Variants in ITPR2 observed in about 807,000 individuals in gnomAD.
The protein encoded by ITPR2 is inositol 1,4,5-trisphosphate receptor type 2, also known as inositol 1,4,5-trisphosphate-gated calcium channel ITPR2.
Under a neutral mutation model 317.1 loss-of-function variants are expected in ITPR2, and 207 were observed. That is an observed-to-expected ratio of 0.65 (90% CI 0.58 to 0.73). The LOEUF (loss-of-function observed/expected upper bound fraction) is 0.73, where lower values mean the gene tolerates loss of function less well. Among genes scored for constraint, ITPR2 ranks in the 30% least tolerant of loss-of-function variants. The probability of loss-of-function intolerance (pLI) is 0.00; values close to 1 mark genes in which losing one functional copy is unlikely to be tolerated. For missense variants in ITPR2, 2,613 were observed against 3,284.0 expected (o/e 0.80, Z 4.99); for synonymous variants, 1,156 against 1,149.1 (o/e 1.01, Z -0.12).
At chr12:26,535,112 A>G (rs7299354) in intron 37 of ITPR2, among the ~76,000 whole-genome samples, 89,186 of 151,958 alleles carry the variant, frequency 0.59, 29,232 homozygotes, top group Non-Finnish European at 0.76. Flanking sequence ...TTTATGTAAC[A>G]TAAACATGTA....
At chr12:26,756,504 G>A (rs186889906) in intron 2 of ITPR2, among the ~76,000 whole-genome samples, 1 of 152,190 alleles carries the variant, frequency 6.6e-6, no homozygotes, top group South Asian at 2.1e-4. Context: ...ATGTATTGCT[G>A]TTGTAGTCTT....
Position 26,597,083 on chromosome 12 carries a change from A to G in ITPR2, c.4054T>C (p.Phe1352Leu). ...CACATCATATGGAGAAGGATTGGAA[A>G]TGATGCTCTATCATTGTAAAATATC... ...VLIFYNDRAS[F>L]PILLHMMCSE... is the part of the protein sequence containing the mutation. The change falls in exon 31 of 57, where the codon TTT becomes CTT. Residue 1352 changes from phenylalanine to leucine, a missense_variant. This residue lies in a region of ITPR2 where 817 missense variants were observed against 897.6 expected (regional missense o/e 0.91). Transcript: ENST00000381340. 1 of 1,614,056 alleles carries G rather than the reference A, an allele frequency of 6.2e-7. No individual in the cohort carries two copies.
intron 55 of ITPR2, among the ~76,000 whole-genome samples, chr12:26,362,529 C>T (rs914311618): frequency 6.6e-6 from 1 of 152,168 alleles, no homozygotes; most frequent in Non-Finnish European, 1.5e-5. Flanking sequence ...CTGTCTATCT[C>T]TTCCTCACTG....
intron 1 of ITPR2, among the ~76,000 whole-genome samples, chr12:26,817,129 C>T (rs536699294): frequency 6.6e-5 from 9 of 136,490 alleles, no homozygotes; most frequent in Non-Finnish European, 9.1e-5. Context: ...TGCAGTGAGC[C>T]GAGATCACGC....
At chr12:26,661,266 G>T (rs1167199827) in intron 15 of ITPR2, among the ~76,000 whole-genome samples, 1 of 22,802 alleles carries the variant, frequency 4.4e-5, no homozygotes, top group Non-Finnish European at 1.3e-4. Context: ...CTAGGTAGGG[G>T]TGTGTGTGTG....
In ITPR2 at chr12:26,722,388, A is replaced by G; in HGVS notation, c.525+9T>C. 1 of 1,606,916 alleles carries G rather than the reference A, an allele frequency of 6.2e-7. No homozygotes were observed. Among genetic ancestry groups the G allele is most frequent in the Non-Finnish European group, 8.5e-7 (1 of 1,176,216 alleles). ...CCCACTATTTCCCTCTTAATTGTATATTACATACATTGTCACCCTCGCTTC... is the reference window on the plus strand; with the variant it reads ...CCCACTATTTCCCTCTTAATTGTATGTTACATACATTGTCACCCTCGCTTC... On this transcript the variant is annotated intron_variant, in intron 5 of 56. Transcript: ENST00000381340.
chr12:26,399,650 T>A (rs1220572577), intron 53 of ITPR2, among the ~76,000 whole-genome samples: 1 of 152,194 alleles, frequency 6.6e-6, no homozygotes, highest in Non-Finnish European at 1.5e-5. Context: ...GCCTGGCACT[T>A]GAGATTTTGC....
At chr12:26,605,051 G>C (rs1349119401) in intron 26 of ITPR2, among the ~76,000 whole-genome samples, 2 of 145,340 alleles carry the variant, frequency 1.4e-5, no homozygotes, top group African/African-American at 2.6e-5. Flanking sequence ...TTGCACCACA[G>C]CACTGCAGCC....
At chr12:26,818,661 T>C (rs1950896331) in intron 1 of ITPR2, among the ~76,000 whole-genome samples, 1 of 152,224 alleles carries the variant, frequency 6.6e-6, no homozygotes, top group Non-Finnish European at 1.5e-5. Flanking sequence ...TTATCATTCC[T>C]AGCCACAAGT....
chr12:26,511,264 A>T (rs182924769), intron 37 of ITPR2, among the ~76,000 whole-genome samples: 3 of 152,212 alleles, frequency 2.0e-5, no homozygotes, highest in Admixed American at 2.0e-4. Flanking sequence ...TTTTCCACCA[A>T]ATCCTCCTTG....
At chr12:26,497,830 C>A (rs537092701) in intron 37 of ITPR2, among the ~76,000 whole-genome samples, 6 of 152,150 alleles carry the variant, frequency 3.9e-5, no homozygotes, top group African/African-American at 1.4e-4. Flanking sequence ...CCTGCCTCAG[C>A]CTCCCGAGTA....
At chr12:26,818,169 T>C (rs1565787821) in intron 1 of ITPR2, among the ~76,000 whole-genome samples, 1 of 152,246 alleles carries the variant, frequency 6.6e-6, no homozygotes, top group Non-Finnish European at 1.5e-5. Flanking sequence ...AAAAAATGTG[T>C]AATACAAATA....
Position 26,682,643 on chromosome 12 carries a change from G to A in ITPR2, c.1179C>T (p.Cys393=). 6.2e-7 allele frequency: 1 copy of A among 1,612,642 alleles called. No individual in the cohort carries two copies. The stretch of plus-strand genomic sequence containing the variant: ...TAGTACTGGTTACCCATGTGTTGGT[G>A]CATAAATGCCTTAACCGAACATATG... ...RNSYVRLRHL[C]TNTWVTSTSI... is the part of the protein sequence containing the mutation. Residue 393 remains cysteine (C), a synonymous_variant, in exon 12 of 57, where the codon TGC becomes TGT. Transcript: ENST00000381340.
chr12:26,392,808 C>G (rs1222172853), intron 54 of ITPR2, among the ~76,000 whole-genome samples: 1 of 152,126 alleles, frequency 6.6e-6, no homozygotes, highest in African/African-American at 2.4e-5. Context: ...AGCAAGATAC[C>G]CTATCCTTAG....
At chr12:26,701,478 G>A (rs2137002310) in intron 9 of ITPR2, among the ~76,000 whole-genome samples, 1 of 152,288 alleles carries the variant, frequency 6.6e-6, no homozygotes, top group Non-Finnish European at 1.5e-5. Flanking sequence ...GAAAAGAAAG[G>A]AGAGAAAATA....
intron 14 of ITPR2, among the ~76,000 whole-genome samples, chr12:26,664,681 C>T (rs1408347088): frequency 6.6e-6 from 1 of 151,644 alleles, no homozygotes; most frequent in Non-Finnish European, 1.5e-5. Flanking sequence ...TTTGTATTCA[C>T]TAAGCCTTTA....
intron 37 of ITPR2, among the ~76,000 whole-genome samples, chr12:26,530,483 T>C (rs866574954): frequency 6.6e-6 from 1 of 152,258 alleles, no homozygotes; most frequent in Non-Finnish European, 1.5e-5. Flanking sequence ...TTTTACTTTC[T>C]TGATGGTCAG....
At chr12:26,505,791 AAT>A (rs1473302270) in intron 37 of ITPR2, among the ~76,000 whole-genome samples, 1 of 152,162 alleles carries the variant, frequency 6.6e-6, no homozygotes, top group East Asian at 1.9e-4. Context: ...TGTATGAATC[AAT>A]GATTTTGAAT....
intron 55 of ITPR2, among the ~76,000 whole-genome samples, chr12:26,340,590 G>C (rs1236146187): frequency 6.6e-6 from 1 of 152,202 alleles, no homozygotes; most frequent in Non-Finnish European, 1.5e-5. Context: ...CGTGAAGGCT[G>C]CAGGCATTCA....
Sources: allele counts gnomAD v4.1 joint callset (sites outside exome capture counted in the v4.1 genomes callset), GRCh38; gene constraint gnomAD v4.1.1; regional missense constraint gnomAD v4.1.1; transcripts MANE v1.5; gene names NCBI Gene and HGNC (gene_info 2026-07-23, HGNC 2026-07-21).